The following ABTB3 variants were observed in gnomAD, a reference collection of about 807,000 sequenced individuals.
ABTB3 encodes ankyrin repeat and BTB domain containing 3.
the ABTB3 span, among the ~76,000 whole-genome samples, chr12:107,590,620 C>T: frequency 9.2e-5 from 14 of 152,176 alleles, no homozygotes; most frequent in Admixed American, 5.2e-4. Context: ...AGACTGCAGG[C>T]GGCAGACAGT....
chr12:107,389,333 C>A, the ABTB3 span, among the ~76,000 whole-genome samples: 1 of 152,234 alleles, frequency 6.6e-6, no homozygotes, highest in East Asian at 1.9e-4. Flanking sequence ...AGGCATATTG[C>A]ATGCTTTATC....
chr12:107,410,615 C>T, the ABTB3 span, among the ~76,000 whole-genome samples: 1 of 152,074 alleles, frequency 6.6e-6, no homozygotes, highest in Non-Finnish European at 1.5e-5. Flanking sequence ...AAGGCAGTAG[C>T]AGTGGAGATG....
At chr12:107,621,688 T>A in the ABTB3 span, among the ~76,000 whole-genome samples, 46 of 152,260 alleles carry the variant, frequency 3.0e-4, no homozygotes, top group African/African-American at 1.1e-3. Context: ...GACTGAGAAA[T>A]GGAACACGAC....
At chr12:107,394,236 A>G in the ABTB3 span, among the ~76,000 whole-genome samples, 10 of 152,256 alleles carry the variant, frequency 6.6e-5, no homozygotes, top group African/African-American at 2.4e-4. Context: ...CAGAGGGGAA[A>G]AAAAGCCTTC....
the ABTB3 span, among the ~76,000 whole-genome samples, chr12:107,353,733 GCCT>G: frequency 1.3e-5 from 2 of 152,146 alleles, no homozygotes; most frequent in Non-Finnish European, 2.9e-5. Flanking sequence ...CCTGAGCTCT[GCCT>G]CCTATCGGAT....
chr12:107,328,325 C>T, the ABTB3 span, among the ~76,000 whole-genome samples: 1 of 152,284 alleles, frequency 6.6e-6, no homozygotes, highest in South Asian at 2.1e-4. Flanking sequence ...TTGTGAGGAG[C>T]AAAATGACAT....
At chr12:107,320,972 C>T in the ABTB3 span, among the ~76,000 whole-genome samples, 2 of 152,126 alleles carry the variant, frequency 1.3e-5, no homozygotes, top group Non-Finnish European at 2.9e-5. Context: ...AGGTTTGAAC[C>T]CGCAGTTCTG....
the ABTB3 span, among the ~76,000 whole-genome samples, chr12:107,420,972 A>G: frequency 6.6e-6 from 1 of 152,312 alleles, no homozygotes; most frequent in East Asian, 1.9e-4. Context: ...CCTTGGTTCC[A>G]AATTTTCATA....
the ABTB3 span, among the ~76,000 whole-genome samples, chr12:107,634,247 C>CA: frequency 6.6e-6 from 1 of 152,166 alleles, no homozygotes. Context: ...CTAGTGGCCC[C>CA]AAACCCATCT....
chr12:107,320,481 C>G, the ABTB3 span: 1 of 442,056 alleles, frequency 2.3e-6, no homozygotes, highest in Non-Finnish European at 4.5e-6. Flanking sequence ...ATTGGGCTCC[C>G]TAGGACTTGG....
chr12:107,514,929 A>G, the ABTB3 span, among the ~76,000 whole-genome samples: 1 of 152,194 alleles, frequency 6.6e-6, no homozygotes, highest in African/African-American at 2.4e-5. Flanking sequence ...GTGCACGTTA[A>G]CTGACTTTCC....
chr12:107,471,997 T>A, the ABTB3 span, among the ~76,000 whole-genome samples: 1 of 152,154 alleles, frequency 6.6e-6, no homozygotes, highest in Non-Finnish European at 1.5e-5. Context: ...GGCCCCAGCC[T>A]GATGCAGTCT....
At chr12:107,532,180 C>A in the ABTB3 span, among the ~76,000 whole-genome samples, 1 of 152,244 alleles carries the variant, frequency 6.6e-6, no homozygotes, top group Non-Finnish European at 1.5e-5. Flanking sequence ...GATCAGCTCA[C>A]CCAGGGTCTG....
the ABTB3 span, chr12:107,620,160 G>A: frequency 1.2e-6 from 2 of 1,614,066 alleles, no homozygotes; most frequent in Non-Finnish European, 1.7e-6. Context: ...CTGAAAGCGA[G>A]CAAGGTATGT....
chr12:107,609,239 T>C, the ABTB3 span, among the ~76,000 whole-genome samples: 1 of 152,252 alleles, frequency 6.6e-6, no homozygotes, highest in South Asian at 2.1e-4. Flanking sequence ...CATGTTTACT[T>C]TGTGTTTTCA....
chr12:107,411,207 C>T, the ABTB3 span, among the ~76,000 whole-genome samples: 1 of 152,090 alleles, frequency 6.6e-6, no homozygotes. Flanking sequence ...GGCTGAGGCA[C>T]GAGAATCACT....
the ABTB3 span, among the ~76,000 whole-genome samples, chr12:107,546,681 T>C: frequency 4.3e-4 from 65 of 152,214 alleles, no homozygotes; most frequent in African/African-American, 1.5e-3. Context: ...CTGGCCAACA[T>C]GGTGAAACCC....
chr12:107,527,228 C>A, the ABTB3 span, among the ~76,000 whole-genome samples: 3 of 152,264 alleles, frequency 2.0e-5, no homozygotes, highest in Non-Finnish European at 2.9e-5. Context: ...CTGTCTCCCC[C>A]ACCAAGACTG....
At chr12:107,518,519 T>C in the ABTB3 span, among the ~76,000 whole-genome samples, 1 of 144,110 alleles carries the variant, frequency 6.9e-6, no homozygotes, top group Non-Finnish European at 1.5e-5. Context: ...AACCAAACAC[T>C]GCATGTTCTC....
Sources: allele counts gnomAD v4.1 joint callset (sites outside exome capture counted in the v4.1 genomes callset), GRCh38; gene constraint gnomAD v4.1.1; transcripts MANE v1.5; gene names NCBI Gene and HGNC (gene_info 2026-07-23, HGNC 2026-07-21).